The following MYRIP variants were observed in gnomAD, a reference collection of about 807,000 sequenced individuals.
MYRIP encodes rab effector MyRIP.
MYRIP carries 49 observed loss-of-function variants against 98.0 expected under a neutral mutation model. The observed-to-expected ratio is 0.50, with a 90% CI of 0.40 to 0.63. The LOEUF is 0.63. Among genes scored for constraint, MYRIP ranks in the 30% least tolerant of loss-of-function variants. The pLI, the probability that MYRIP is intolerant of heterozygous loss-of-function variation, is 0.00. For missense variants in MYRIP, 1,004 were observed against 1,058.2 expected (o/e 0.95, Z 0.71); for synonymous variants, 404 against 409.5 (o/e 0.99, Z 0.16).
intron 2 of MYRIP, among the ~76,000 whole-genome samples, chr3:39,908,335 C>G (rs1423563087): frequency 6.6e-6 from 1 of 152,136 alleles, no homozygotes; most frequent in East Asian, 1.9e-4. Flanking sequence ...GAAATAAACG[C>G]TTTTGAGACC....
rs111367780 is a variant in MYRIP, at chr3:39,862,535, C to CA, written c.-30-38246dup. On this transcript the variant is annotated intron_variant, in intron 1 of 16. Coordinates refer to ENST00000302541, the MANE Select transcript of MYRIP (RefSeq NM_015460.4). ...AAAAAATACTATAAGCCACTAAAGA[C>CA]AAAAAAGTCAAAGAAGGCATTTTGT... Among the ~76,000 whole-genome samples, 11 of 152,180 alleles carry CA rather than the reference C, an allele frequency of 7.2e-5. 1 individual carries two copies. The highest frequency in any genetic ancestry group is 2.4e-4 in the African/African-American group (10 of 41,530).
chr3:39,996,314 C>T (rs1946353037), intron 2 of MYRIP, among the ~76,000 whole-genome samples: 1 of 151,888 alleles, frequency 6.6e-6, no homozygotes, highest in Admixed American at 6.6e-5. Flanking sequence ...CACACATAGG[C>T]TCAAAATAAA....
intron 2 of MYRIP, among the ~76,000 whole-genome samples, chr3:40,029,950 C>T (rs1947220807): frequency 6.6e-6 from 1 of 151,966 alleles, no homozygotes; most frequent in African/African-American, 2.4e-5. Context: ...GTCCCAGCTA[C>T]TTGGGAGGCT....
At chr3:40,236,261 A>G (rs1449948398) in intron 12 of MYRIP, among the ~76,000 whole-genome samples, 1 of 152,222 alleles carries the variant, frequency 6.6e-6, no homozygotes, top group East Asian at 1.9e-4. Flanking sequence ...CTAGGTTTGC[A>G]TAAGTACACT....
In MYRIP at chr3:40,259,214, T is replaced by TCTAA. The variant is rs1358489440; in HGVS notation, c.*1051_*1054dup. ...GCATTTAATGGACACAAGAATTGAC[T>TCTAA]CTAACTCCATGTCTGTGGTTTCTTT... On this transcript the variant is annotated 3_prime_UTR_variant, in exon 17 of 17. Transcript: ENST00000302541. 7 of 152,234 alleles carry TCTAA rather than the reference T, an allele frequency of 4.6e-5. No individual in the cohort carries two copies. Among genetic ancestry groups the TCTAA allele is most frequent in the Admixed American group, 2.0e-4 (3 of 15,282 alleles). 9.4% of individuals were successfully genotyped at this position (152,234 alleles called of 1,614,324 possible).
intron 3 of MYRIP, 76 bp downstream of exon 3, chr3:40,044,347 A>G (rs1947622149): frequency 2.9e-6 from 4 of 1,400,250 alleles, no homozygotes; most frequent in Non-Finnish European, 4.0e-6. Flanking sequence ...TCAGTCAGGT[A>G]GAACCAGCTA....
rs183798924 is a variant in MYRIP at position 40,118,475 on chromosome 3, T to G, written c.333-32573T>G. ...CTAATCAATAGGGCACAGGTTAAAT[T>G]AATTATGGAATGGTCATAAAGTGAA... On this transcript the variant is annotated intron_variant, in intron 3 of 16. Transcript: ENST00000302541. 5.0e-3 allele frequency among the ~76,000 whole-genome samples: 767 copies of G among 152,216 alleles called. 4 individuals carry two copies. Among genetic ancestry groups the G allele is most frequent in the Non-Finnish European group, 8.8e-3 (596 of 67,994 alleles).
chr3:39,977,126 A>G (rs1157373115), intron 2 of MYRIP, among the ~76,000 whole-genome samples: 4 of 152,104 alleles, frequency 2.6e-5, no homozygotes, highest in Non-Finnish European at 5.9e-5. Context: ...TTTATTTTAA[A>G]AAAAAACGGT....
intron 1 of MYRIP, among the ~76,000 whole-genome samples, chr3:39,895,188 T>A (rs1943574586): frequency 6.6e-6 from 1 of 152,002 alleles, no homozygotes; most frequent in South Asian, 2.1e-4. Flanking sequence ...CTTGCATTTT[T>A]TTTTTCTTTT....
chr3:40,112,388 T>A (rs536801431), intron 3 of MYRIP, among the ~76,000 whole-genome samples: 1 of 152,258 alleles, frequency 6.6e-6, no homozygotes, highest in South Asian at 2.1e-4. Context: ...CCTCAGTAAA[T>A]GTTTGTGAGA....
intron 8 of MYRIP, among the ~76,000 whole-genome samples, chr3:40,171,544 C>T (rs879592308): frequency 1.2e-4 from 19 of 152,180 alleles, no homozygotes; most frequent in Non-Finnish European, 2.5e-4. Context: ...AGTAGAAATT[C>T]CCACAGCACC....
At chr3:39,954,750 C>A (rs1945112540) in intron 2 of MYRIP, among the ~76,000 whole-genome samples, 1 of 152,034 alleles carries the variant, frequency 6.6e-6, no homozygotes, top group Non-Finnish European at 1.5e-5. Context: ...TGTTCAAACC[C>A]ATCGCAAAGA....
intron 10 of MYRIP, among the ~76,000 whole-genome samples, chr3:40,192,591 C>T (rs1355906160): frequency 1.3e-5 from 2 of 151,758 alleles, no homozygotes; most frequent in African/African-American, 2.4e-5. Context: ...AAATTGGCAA[C>T]ATGCTGTCCA....
chr3:39,824,100 T>G (rs1306653312), intron 1 of MYRIP, among the ~76,000 whole-genome samples: 1 of 152,218 alleles, frequency 6.6e-6, no homozygotes, highest in East Asian at 1.9e-4. Flanking sequence ...CACCATAATT[T>G]AAGAGATTAT....
intron 1 of MYRIP, among the ~76,000 whole-genome samples, chr3:39,894,321 C>T (rs1943554043): frequency 6.6e-6 from 1 of 152,194 alleles, no homozygotes; most frequent in Admixed American, 6.5e-5. Context: ...CAGAGGGTAA[C>T]CACTACACTG....
chr3:39,956,244 T>C (rs936119602), intron 2 of MYRIP, among the ~76,000 whole-genome samples: 3 of 152,052 alleles, frequency 2.0e-5, no homozygotes, highest in Non-Finnish European at 4.4e-5. Flanking sequence ...AGAACCACAT[T>C]GCACTTATTC....
chr3:40,019,755 G>GT (rs370631440), intron 2 of MYRIP, among the ~76,000 whole-genome samples: 4,108 of 141,616 alleles, frequency 0.029, 118 homozygotes, highest in African/African-American at 0.073. Context: ...CATAAAATGT[G>GT]TTTTTTTTTT....
chr3:39,936,079 G>T (rs187093721), intron 2 of MYRIP, among the ~76,000 whole-genome samples: 1 of 146,114 alleles, frequency 6.8e-6, no homozygotes, highest in Non-Finnish European at 1.5e-5. Context: ...ATTGAATAAC[G>T]TTCATCCCCA....
At position 40,079,544 on chromosome 3, in the gene MYRIP, T is replaced by C. The variant is rs554854055; in HGVS notation, c.332+35273T>C. Among the ~76,000 whole-genome samples, 4 of 152,332 alleles carry C rather than the reference T, an allele frequency of 2.6e-5. No individual in the cohort carries two copies. In the East Asian group the frequency reaches 7.7e-4, roughly 29 times the overall value. On this transcript the variant is annotated intron_variant, in intron 3 of 16. Coordinates refer to ENST00000302541, the MANE Select transcript of MYRIP (RefSeq NM_015460.4). The stretch of plus-strand genomic sequence containing the variant: ...GTACATTCAGCTTTCAGAGCACACA[T>C]GAGTGCTAAAACAATCAGGACTTTT...
Sources: gnomAD v4.1 joint callset for allele counts (sites outside exome capture counted in the v4.1 genomes callset) on GRCh38, gnomAD v4.1.1 for gene constraint, MANE v1.5 for transcripts, NCBI Gene and HGNC (gene_info 2026-07-23, HGNC 2026-07-21) for gene names.